The following ATP12A variants were observed in gnomAD, a reference collection of about 807,000 sequenced individuals.
ATP12A encodes ATPase H+/K+ transporting non-gastric alpha2 subunit.
ATP12A carries 81 observed loss-of-function variants against 111.2 expected under a neutral mutation model. The ratio of observed to expected loss-of-function variants is 0.73; its 90% confidence interval spans 0.61 to 0.88. ATP12A has a LOEUF of 0.88. Ranked by LOEUF, ATP12A falls within the 40% of genes least tolerant of loss-of-function variation. ATP12A has a pLI of 0.00. For synonymous variants in ATP12A, 498 were observed against 499.8 expected (o/e 1.00, Z 0.05); for missense variants, 1,196 against 1,313.1 (o/e 0.91, Z 1.38).
At chr13:24,686,537 G>C (rs1411459372) in intron 3 of ATP12A, among the ~76,000 whole-genome samples, 3 of 151,818 alleles carry the variant, frequency 2.0e-5, no homozygotes, top group Admixed American at 6.6e-5. Context: ...TCAGGAGATC[G>C]AGACCATCCT....
chr13:24,694,335 C>T, intron 10 of ATP12A, 109 bp from the exon 11 acceptor site: 1 of 1,396,010 alleles, frequency 7.2e-7, no homozygotes, highest in South Asian at 1.4e-5. Context: ...GATAATGTCT[C>T]TCCAGCTAGG....
intron 19 of ATP12A, among the ~76,000 whole-genome samples, chr13:24,710,216 C>A (rs919195500): frequency 5.9e-5 from 9 of 152,088 alleles, no homozygotes; most frequent in Non-Finnish European, 8.8e-5. Context: ...ACCAGCCTGG[C>A]CAACACAGTG....
chr13:24,692,584 C>T lies in ATP12A; in HGVS notation c.1224C>T (p.Phe408=), dbSNP rs201348449. 161 of 1,613,812 alleles carry T rather than the reference C, an allele frequency of 1.0e-4. No individual in the cohort carries two copies. Among genetic ancestry groups the T allele is most frequent in the Non-Finnish European group, 1.3e-4 (148 of 1,179,904 alleles). The change falls in exon 9 of 23, where the codon TTC becomes TTT. Residue 408 remains phenylalanine (F), a synonymous_variant. Coordinates refer to ENST00000381946, the MANE Select transcript of ATP12A (RefSeq NM_001676.7). ...QNRMTVAHLW[F]DNQIFVADTS... is the part of the protein sequence containing the mutation. ...GGATGACAGTGGCCCATCTGTGGTTCGACAATCAGATCTTTGTGGCTGACA... is the reference window on the plus strand; with the variant it reads ...GGATGACAGTGGCCCATCTGTGGTTTGACAATCAGATCTTTGTGGCTGACA...
At chr13:24,693,198 C>T (rs1454493068) in intron 10 of ATP12A, among the ~76,000 whole-genome samples, 1 of 152,172 alleles carries the variant, frequency 6.6e-6, no homozygotes, top group African/African-American at 2.4e-5. Context: ...ATCAAAGTTC[C>T]TTTTAATATA....
Position 24,680,753 on chromosome 13 carries a change from G to A in ATP12A, c.9+1G>A, listed in dbSNP as rs762356809. 8.9e-4 allele frequency: 1,340 copies of A among 1,499,786 alleles called. 2 individuals are homozygous for A. The highest frequency in any genetic ancestry group is 1.0e-3 in the Non-Finnish European group (1,146 of 1,131,890). The allele number at this position is 1,499,786 out of a possible 1,614,324, so 92.9% of individuals were successfully genotyped here. On this transcript the variant is annotated splice_donor_variant, in intron 1 of 22. Coordinates refer to ENST00000381946, the MANE Select transcript of ATP12A (RefSeq NM_001676.7). LOFTEE classifies it high-confidence loss of function. ...GCGCCACCAGCCCAGCATGCACCAG[G>A]TGCGTGCAGCCCCCGCGCCGGCCGA...
intron 11 of ATP12A, among the ~76,000 whole-genome samples, 183 bp from the exon 12 acceptor site, chr13:24,698,475 C>T (rs1875259205): frequency 6.6e-6 from 1 of 152,102 alleles, no homozygotes; most frequent in African/African-American, 2.4e-5. Flanking sequence ...AGAGTGGGTG[C>T]CCCACTCTGG....
At position 24,690,715 on chromosome 13, in the gene ATP12A, C is replaced by G. The variant is rs1197488661; in HGVS notation, c.793C>G (p.Leu265Val). Residue 265 changes from leucine to valine, a missense_variant, in exon 7 of 23, where the codon CTG (leucine) becomes GTG (valine). Leu to Val is a conservative substitution (Grantham distance 32). This residue lies in a region of ATP12A where 1,126 missense variants were observed against 1,228.5 expected (regional missense o/e 0.92). Coordinates refer to ENST00000381946, the MANE Select transcript of ATP12A (RefSeq NM_001676.7). Reference sequence around the variant, plus strand: ...CATCTGCTTCTATTCCACAACGTGTCTGGAAGGTAAAAGGCCTCTGGCTCT... The same window carrying G: ...CATCTGCTTCTATTCCACAACGTGTGTGGAAGGTAAAAGGCCTCTGGCTCT... Reference protein sequence around the residue: ...KNICFYSTTCLEGTVTGMVIN... With the variant: ...KNICFYSTTCVEGTVTGMVIN... 2.5e-6 allele frequency: 4 copies of G among 1,612,912 alleles called. No homozygotes were observed. The highest frequency in any genetic ancestry group is 1.3e-5 in the African/African-American group (1 of 75,008).
chr13:24,689,200 C>T (rs2137694654), intron 4 of ATP12A, 62 bp from the exon 5 acceptor site: 1 of 1,349,738 alleles, frequency 7.4e-7, no homozygotes, highest in South Asian at 1.2e-5. Context: ...AGAGCTCTAG[C>T]CCCAGGGCCC....
chr13:24,710,414 T>A (rs375121177), intron 19 of ATP12A, 46 bp from the exon 20 acceptor site: 8 of 1,605,160 alleles, frequency 5.0e-6, no homozygotes, highest in Non-Finnish European at 6.8e-6. Flanking sequence ...TTCCTAGAAG[T>A]TTTCCTTTAG....
Position 24,707,136 on chromosome 13 carries a change from C to T in ATP12A, c.2283C>T (p.Ala761=), listed in dbSNP as rs374313712. ...GTTCTGATGCAGCCAAAAATGCAGC[C>T]GACATGGTCTTGCTGGACGACAACT... is the stretch of plus-strand genomic sequence containing the variant. ...IAGSDAAKNA[A]DMVLLDDNFA... The change falls in exon 16 of 23, where the codon GCC becomes GCT. Residue 761 remains alanine, a synonymous_variant. Coordinates refer to ENST00000381946, the MANE Select transcript of ATP12A (RefSeq NM_001676.7). The T allele has an allele frequency of 2.4e-5, 39 of 1,613,922 alleles. No individual in the cohort carries two copies. The highest frequency in any genetic ancestry group is 2.6e-5 in the Non-Finnish European group (31 of 1,180,010).
At chr13:24,706,189 T>C in intron 14 of ATP12A, 124 bp from the exon 15 acceptor site, 1 of 1,259,558 alleles carries the variant, frequency 7.9e-7, no homozygotes, top group Non-Finnish European at 1.1e-6. Flanking sequence ...ACTAGAGCAT[T>C]AGGTATCAAG....
At chr13:24,686,086 T>C (rs540895908) in intron 3 of ATP12A, among the ~76,000 whole-genome samples, 2 of 151,976 alleles carry the variant, frequency 1.3e-5, no homozygotes, top group Admixed American at 1.3e-4. Flanking sequence ...AATGGAAGGG[T>C]CTAGAAGAAT....
intron 11 of ATP12A, among the ~76,000 whole-genome samples, chr13:24,695,889 G>A (rs1412573265): frequency 1.3e-5 from 2 of 152,132 alleles, no homozygotes; most frequent in Non-Finnish European, 2.9e-5. Flanking sequence ...GATTACAGGC[G>A]TGAGCCACCA....
chr13:24,700,517 G>A (rs1875347000), intron 12 of ATP12A, among the ~76,000 whole-genome samples: 1 of 152,156 alleles, frequency 6.6e-6, no homozygotes, highest in Non-Finnish European at 1.5e-5. Flanking sequence ...AATATAGCAA[G>A]ATATATTTCT....
chr13:24,704,952 CAGGTGTAAGGGGAA>C (rs1198589658), intron 14 of ATP12A, among the ~76,000 whole-genome samples: 3 of 152,166 alleles, frequency 2.0e-5, no homozygotes, highest in Admixed American at 6.5e-5. Context: ...TGCATCTTAG[CAGGTGTAAGGGGAA>C]AGGAAACACC....
intron 17 of ATP12A, among the ~76,000 whole-genome samples, chr13:24,708,980 A>G (rs1292658187): frequency 2.0e-5 from 3 of 151,936 alleles, no homozygotes; most frequent in Non-Finnish European, 4.4e-5. Context: ...AGAAAGAGAA[A>G]TGAATGCAAA....
intron 11 of ATP12A, among the ~76,000 whole-genome samples, chr13:24,695,715 C>A (rs185423173): frequency 1.4e-5 from 2 of 143,724 alleles, no homozygotes; most frequent in Non-Finnish European, 3.0e-5. Context: ...ATAAGCAATT[C>A]TCTTGCCTCA....
rs543523689 is a variant in ATP12A, at chr13:24,697,544, G to C, written c.1513-1114G>C. ...AGTCCCAGCTACTTGGGAGGCTGAG[G>C]TGGGAGGATTGCTTGAGCCTGGGAG... On this transcript the variant is annotated intron_variant, in intron 11 of 22. Coordinates refer to ENST00000381946, the MANE Select transcript of ATP12A (RefSeq NM_001676.7). Among the ~76,000 whole-genome samples the C allele has an allele frequency of 5.3e-5, 8 of 151,850 alleles. No individual in the cohort carries two copies. In the South Asian group the frequency reaches 1.7e-3, roughly 32 times the overall value.
chr13:24,694,663 T>C, intron 11 of ATP12A, 85 bp downstream of exon 11: 1 of 1,590,196 alleles, frequency 6.3e-7, no homozygotes, highest in Non-Finnish European at 8.6e-7. Flanking sequence ...ACCTCATATT[T>C]TGAAGGATAC....
Sources: gnomAD v4.1 joint callset for allele counts (sites outside exome capture counted in the v4.1 genomes callset) on GRCh38, gnomAD v4.1.1 for gene constraint, gnomAD v4.1.1 regional missense constraint, MANE v1.5 for transcripts, NCBI Gene and HGNC (gene_info 2026-07-23, HGNC 2026-07-21) for gene names.